SNAP91: variants seen among roughly 807,000 people sequenced by gnomAD.
SNAP91 encodes clathrin coat assembly protein AP180.
SNAP91 carries 27 observed loss-of-function variants against 100.3 expected under a neutral mutation model. The observed-to-expected ratio is 0.27, with a 90% CI of 0.20 to 0.37. The LOEUF is 0.37. SNAP91 is among the 10% of genes least tolerant of loss of function. The pLI is 1.00. For synonymous variants in SNAP91, 404 were observed against 398.6 expected, an observed-to-expected ratio of 1.01 and a Z score of -0.16; for missense variants, 986 against 1,123.7, an observed-to-expected ratio of 0.88 and a Z score of 1.75.
intron 8 of SNAP91, among the ~76,000 whole-genome samples, chr6:83,630,617 G>C (rs1385567380): frequency 6.6e-6 from 1 of 151,984 alleles, no homozygotes; most frequent in Non-Finnish European, 1.5e-5. Flanking sequence ...AGGTTTTCTA[G>C]TTTATGTGTG....
chr6:83,564,751 C>T (rs770383982), intron 26 of SNAP91, among the ~76,000 whole-genome samples: 3 of 151,816 alleles, frequency 2.0e-5, no homozygotes, highest in Non-Finnish European at 4.4e-5. Context: ...TATTAAAAAA[C>T]GAGCTCAAAA....
chr6:83,638,461 A>G (rs1042745732), intron 8 of SNAP91, among the ~76,000 whole-genome samples: 1 of 151,784 alleles, frequency 6.6e-6, no homozygotes, highest in Non-Finnish European at 1.5e-5. Flanking sequence ...TATTATTACA[A>G]ATTAGGGAAA....
At chr6:83,693,932 T>C (rs1389399545) in intron 2 of SNAP91, among the ~76,000 whole-genome samples, 1 of 152,214 alleles carries the variant, frequency 6.6e-6, no homozygotes, top group South Asian at 2.1e-4. Context: ...GTGTCAACAC[T>C]GATTGACAGT....
At chr6:83,633,847 T>A (rs1162524269) in intron 8 of SNAP91, among the ~76,000 whole-genome samples, 1 of 151,872 alleles carries the variant, frequency 6.6e-6, no homozygotes, top group Non-Finnish European at 1.5e-5. Flanking sequence ...TTCCCCTGCC[T>A]GTGGTGTCTG....
chr6:83,697,733 A>G (rs2099238007), intron 2 of SNAP91, among the ~76,000 whole-genome samples: 1 of 152,072 alleles, frequency 6.6e-6, no homozygotes, highest in Non-Finnish European at 1.5e-5. Context: ...ATTGAGTTTA[A>G]CTCCTTGCTC....
chr6:83,572,830 T>C (rs1035263627), intron 26 of SNAP91, among the ~76,000 whole-genome samples: 3 of 152,200 alleles, frequency 2.0e-5, no homozygotes, highest in Non-Finnish European at 2.9e-5. Flanking sequence ...ATAGATTACA[T>C]TGTGAGATTT....
chr6:83,642,518 C>A (rs1358268513), intron 7 of SNAP91, among the ~76,000 whole-genome samples: 3 of 152,188 alleles, frequency 2.0e-5, no homozygotes, highest in Admixed American at 6.5e-5. Flanking sequence ...AGGACATGAA[C>A]TCATCATTTT....
intron 2 of SNAP91, among the ~76,000 whole-genome samples, chr6:83,673,738 C>G (rs1397143673): frequency 6.6e-6 from 1 of 152,212 alleles, no homozygotes; most frequent in African/African-American, 2.4e-5. Context: ...CTTCCCTCTT[C>G]TTTGCCAGCA....
At chr6:83,556,083 T>A in intron 29 of SNAP91, 60 bp downstream of exon 29, 1 of 880,772 alleles carries the variant, frequency 1.1e-6, no homozygotes, top group South Asian at 1.6e-5. Context: ...ACCTCTGAAA[T>A]AGCTAAGCAT....
intron 2 of SNAP91, among the ~76,000 whole-genome samples, chr6:83,692,818 C>T (rs2099148391): frequency 6.6e-6 from 1 of 152,176 alleles, no homozygotes; most frequent in Admixed American, 6.5e-5. Context: ...CCACCCCCTT[C>T]CACTTTTTTC....
At chr6:83,612,155 A>C (rs538231050) in intron 11 of SNAP91, among the ~76,000 whole-genome samples, 1 of 152,148 alleles carries the variant, frequency 6.6e-6, no homozygotes, top group African/African-American at 2.4e-5. Flanking sequence ...TATAACAAGC[A>C]TAAGGGTAAC....
At chr6:83,674,604 T>A in intron 2 of SNAP91, among the ~76,000 whole-genome samples, 1 of 152,126 alleles carries the variant, frequency 6.6e-6, no homozygotes, top group East Asian at 1.9e-4. Flanking sequence ...TCTCTGAGTA[T>A]CTTACTGCTC....
chr6:83,697,724 T>C (rs747284205), intron 2 of SNAP91, among the ~76,000 whole-genome samples: 3 of 152,296 alleles, frequency 2.0e-5, no homozygotes, highest in Admixed American at 6.5e-5. Context: ...AGAGAAAGAA[T>C]TGAGTTTAAC....
At chr6:83,560,582 A>G (rs754901873) in intron 27 of SNAP91, among the ~76,000 whole-genome samples, 3 of 152,226 alleles carry the variant, frequency 2.0e-5, no homozygotes, top group Non-Finnish European at 4.4e-5. Flanking sequence ...TGAAGGGTTG[A>G]TTTTGATGAT....
At chr6:83,666,968 G>A (rs1485534825) in intron 2 of SNAP91, among the ~76,000 whole-genome samples, 1 of 152,052 alleles carries the variant, frequency 6.6e-6, no homozygotes, top group Non-Finnish European at 1.5e-5. Flanking sequence ...AAGCAGTAAT[G>A]TCTGTTTCAC....
chr6:83,642,403 T>C (rs958015980), intron 7 of SNAP91, among the ~76,000 whole-genome samples: 8 of 152,106 alleles, frequency 5.3e-5, no homozygotes, highest in African/African-American at 1.4e-4. Context: ...AGTGTTCTCA[T>C]TGTTCGATTC....
intron 7 of SNAP91, among the ~76,000 whole-genome samples, chr6:83,653,158 T>C (rs1380262681): frequency 6.6e-6 from 1 of 152,192 alleles, no homozygotes; most frequent in Non-Finnish European, 1.5e-5. Context: ...TCTCTGTCGT[T>C]ATTATTTCAA....
chr6:83,554,609 A>G (rs1774873966), intron 29 of SNAP91, among the ~76,000 whole-genome samples: 1 of 152,184 alleles, frequency 6.6e-6, no homozygotes, highest in Admixed American at 6.6e-5. Context: ...AGTATCTAAG[A>G]GCAGCCAACC....
At position 83,582,409 on chromosome 6, in the gene SNAP91, G is replaced by A. The variant is rs537691670; in HGVS notation, c.2015-53C>T. 3.6e-4 allele frequency: 556 copies of A among 1,539,802 alleles called. 5 individuals carry two copies. The South Asian group carries it at 6.5e-3, about 18-fold the overall frequency. On this transcript the variant is annotated intron_variant, in intron 22 of 29. Transcript: ENST00000369694. ...AGAAATAACATAAAGGTGGGTAAAG[G>A]CCATAAAAACTGAATTTAAAAAGTT... is the stretch of plus-strand genomic sequence containing the variant.
Sources: allele counts gnomAD v4.1 joint callset (sites outside exome capture counted in the v4.1 genomes callset), GRCh38; gene constraint gnomAD v4.1.1; transcripts MANE v1.5; gene names NCBI Gene and HGNC (gene_info 2026-07-23, HGNC 2026-07-21).